Variants in TBX19 observed in about 807,000 individuals in gnomAD.
TBX19 encodes T-box transcription factor 19.
In TBX19, 33 loss-of-function variants were observed where a neutral mutation model predicts 40.9. The ratio of observed to expected loss-of-function variants is 0.81; its 90% CI spans 0.61 to 1.08. TBX19 has a LOEUF of 1.08. Among genes scored for constraint, TBX19 ranks in the 50% least tolerant of loss-of-function variants. The pLI is 0.00. For synonymous variants in TBX19, 220 were observed against 225.0 expected (o/e 0.98, Z 0.20); for missense variants, 494 against 574.0 (o/e 0.86, Z 1.42).
chr1:168,312,639 T>C, intron 7 of TBX19, 69 bp from the exon 8 acceptor site: 1 of 1,562,774 alleles, frequency 6.4e-7, no homozygotes, highest in Non-Finnish European at 8.7e-7. Flanking sequence ...GTGTACATGC[T>C]TGTCAGGTGG....
Position 168,280,977 on chromosome 1 carries a change from C to G in TBX19, c.-114C>G. 1 of 1,001,620 alleles carries G rather than the reference C, an allele frequency of 1.0e-6. No homozygotes were observed. The highest frequency in any genetic ancestry group is 2.6e-5 in the East Asian group (1 of 38,994). 62.0% of individuals were successfully genotyped at this position (1,001,620 alleles called of 1,614,324 possible). A position where few individuals can be genotyped will look rare whatever the true frequency, so the allele number is the denominator to read the frequency against. On this transcript the variant is annotated 5_prime_UTR_variant, in exon 1 of 8. Transcript: ENST00000367821. The stretch of plus-strand genomic sequence containing the variant: ...TTAGGCAAGAGCCAGGGTATCTTCT[C>G]TCCGCTCCCCAAGCACTGTTCAAGT...
intron 3 of TBX19, among the ~76,000 whole-genome samples, chr1:168,294,888 A>G (rs545598113): frequency 1.6e-4 from 25 of 152,334 alleles, no homozygotes; most frequent in African/African-American, 5.8e-4. Flanking sequence ...AGAAACAGAT[A>G]GACATGGCCA....
At chr1:168,281,811 TGA>T (rs1648659844) in intron 1 of TBX19, among the ~76,000 whole-genome samples, 1 of 152,182 alleles carries the variant, frequency 6.6e-6, no homozygotes, top group Admixed American at 6.5e-5. Context: ...GTGTTTGTGG[TGA>T]GTGTTCATTT....
In TBX19 at chr1:168,298,828, T is replaced by TTCCTTCC. The variant is rs1558192768; in HGVS notation, c.665+1044_665+1045insCCTTCCT. 2.8e-3 allele frequency among the ~76,000 whole-genome samples: 46 copies of TTCCTTCC among 16,232 alleles called. 9 individuals carry two copies. Among genetic ancestry groups the TTCCTTCC allele is most frequent in the African/African-American group, 6.2e-3 (14 of 2,272 alleles). 10.6% of individuals were successfully genotyped at this position (16,232 alleles called of 152,430 possible). On this transcript the variant is annotated intron_variant, in intron 4 of 7. Coordinates refer to ENST00000367821, the MANE Select transcript of TBX19 (RefSeq NM_005149.3). The stretch of plus-strand genomic sequence containing the variant: ...CTCCCTCCCTCCCTCCCTTCCTTTC[T>TTCCTTCC]TTCTTTCTTTCTTTCTTTCTTTCTT...
In TBX19 at chr1:168,313,038, TC is replaced by T; in HGVS notation, c.*38del. 6.2e-7 allele frequency: 1 copy of T among 1,612,794 alleles called. No individual in the cohort carries two copies. Among genetic ancestry groups the T allele is most frequent in the Non-Finnish European group, 8.5e-7 (1 of 1,179,110 alleles). On this transcript the variant is annotated 3_prime_UTR_variant, in exon 8 of 8. Transcript: ENST00000367821. ...AGGAGCCTCTTTGCACAGCGATCCT[TC>T]CATGTGTAGAGTGCTTAGAAACCCC...
intron 3 of TBX19, 67 bp from the exon 4 acceptor site, chr1:168,297,657 A>G (rs371332221): frequency 1.4e-6 from 2 of 1,422,672 alleles, no homozygotes; most frequent in East Asian, 4.6e-5. Flanking sequence ...TTTACAGAAG[A>G]CAAAGGGTTC....
intron 6 of TBX19, among the ~76,000 whole-genome samples, chr1:168,306,968 G>A (rs891330104): frequency 6.6e-6 from 1 of 152,202 alleles, no homozygotes; most frequent in Non-Finnish European, 1.5e-5. Context: ...GAATAGAAAA[G>A]GACAGAGTGG....
At chr1:168,306,292 G>A (rs1387399720) in intron 6 of TBX19, among the ~76,000 whole-genome samples, 1 of 152,154 alleles carries the variant, frequency 6.6e-6, no homozygotes, top group Non-Finnish European at 1.5e-5. Flanking sequence ...CACCTACTGT[G>A]TACCGTGTTC....
At chr1:168,295,284 T>A (rs76922350) in intron 3 of TBX19, among the ~76,000 whole-genome samples, 1 of 151,720 alleles carries the variant, frequency 6.6e-6, no homozygotes, top group Non-Finnish European at 1.5e-5. Flanking sequence ...GAGCAAGACT[T>A]GGTCTCAGGA....
rs1169088311 is a variant in TBX19 at position 168,312,865 on chromosome 1, G to A, written c.1210G>A (p.Gly404Ser). 1.2e-6 allele frequency: 2 copies of A among 1,614,130 alleles called. No individual in the cohort carries two copies. The highest frequency in any genetic ancestry group is 1.7e-6 in the Non-Finnish European group (2 of 1,180,056). The change falls in exon 8 of 8, where the codon GGT becomes AGT. Residue 404 changes from glycine to serine, a missense_variant. By Grantham distance (56) the Gly-to-Ser change is moderately conservative. This residue lies in a region of TBX19 where 284 missense variants were observed against 307.3 expected (regional missense o/e 0.92). Transcript: ENST00000367821. ...CTCCACCCAAGCACCCACTTCGGCTGGTGTGGAGGTTCTGGGGGAGCCCTC... is the reference window on the plus strand; with the variant it reads ...CTCCACCCAAGCACCCACTTCGGCTAGTGTGGAGGTTCTGGGGGAGCCCTC... ...VLSTQAPTSA[G>S]VEVLGEPSLT...
At chr1:168,294,004 C>A (rs1272444185) in intron 3 of TBX19, among the ~76,000 whole-genome samples, 1 of 152,136 alleles carries the variant, frequency 6.6e-6, no homozygotes, top group Non-Finnish European at 1.5e-5. Context: ...CAGGGTAAAG[C>A]TATACGGGTT....
At chr1:168,294,920 A>G (rs2284767) in intron 3 of TBX19, among the ~76,000 whole-genome samples, 10,709 of 151,994 alleles carry the variant, frequency 0.07, 813 homozygotes, top group East Asian at 0.31. Context: ...TCAAAATGGC[A>G]TCTCTATTTG....
chr1:168,308,925 C>T (rs1237284722), intron 7 of TBX19, 48 bp downstream of exon 7: 2 of 1,613,634 alleles, frequency 1.2e-6, no homozygotes, highest in Admixed American at 1.7e-5. Flanking sequence ...TGGGGGTTTA[C>T]TTTAGCACTG....
intron 6 of TBX19, among the ~76,000 whole-genome samples, chr1:168,306,348 C>T (rs1649402328): frequency 6.6e-6 from 1 of 152,160 alleles, no homozygotes; most frequent in Admixed American, 6.5e-5. Flanking sequence ...AGTTTCAGGG[C>T]CGGGAGCGGT....
At chr1:168,283,792 T>A (rs1648733986) in intron 1 of TBX19, among the ~76,000 whole-genome samples, 1 of 152,200 alleles carries the variant, frequency 6.6e-6, no homozygotes, top group Non-Finnish European at 1.5e-5. Flanking sequence ...GGGCCCTTTT[T>A]CATTGACATT....
intron 1 of TBX19, among the ~76,000 whole-genome samples, chr1:168,282,587 C>G (rs1472488205): frequency 6.6e-6 from 1 of 152,246 alleles, no homozygotes; most frequent in Admixed American, 6.5e-5. Flanking sequence ...AGTTCCTTCT[C>G]TTGACCTGTA....
rs564848637 is a variant in TBX19 at position 168,293,285 on chromosome 1, G to A, written c.603+7G>A. ...TGCCTATCAGAATGAGGAGGTAAGAGTGTGTGTGTGTGTGTGTGTGTGTGT... is the reference window on the plus strand; with the variant it reads ...TGCCTATCAGAATGAGGAGGTAAGAATGTGTGTGTGTGTGTGTGTGTGTGT... On this transcript the variant is annotated splice_region_variant and intron_variant, in intron 3 of 7. Transcript: ENST00000367821. 33 of 811,418 alleles carry A rather than the reference G, an allele frequency of 4.1e-5. No homozygotes were observed. The Admixed American group carries it at 7.9e-4, about 19-fold the overall frequency. The allele number at this position is 811,418 out of a possible 1,614,324, so 50.3% of individuals were successfully genotyped here.
At chr1:168,311,067 C>A (rs915042470) in intron 7 of TBX19, among the ~76,000 whole-genome samples, 1 of 151,664 alleles carries the variant, frequency 6.6e-6, no homozygotes, top group African/African-American at 2.4e-5. Flanking sequence ...TGACGCTGAT[C>A]TAGAGGATCA....
In TBX19 at chr1:168,281,001, G is replaced by A; in HGVS notation, c.-90G>A. 8.0e-7 allele frequency: 1 copy of A among 1,257,362 alleles called. No homozygotes were observed. The highest frequency in any genetic ancestry group is 2.4e-5 in the East Asian group (1 of 42,192). 77.9% of individuals were successfully genotyped at this position (1,257,362 alleles called of 1,614,324 possible). A position where few individuals can be genotyped will look rare whatever the true frequency, so the allele number is the denominator to read the frequency against. Reference sequence around the variant, plus strand: ...TCTCCGCTCCCCAAGCACTGTTCAAGTGGGTTTGAAAAGCAGGCAAGTGAG... The same window carrying A: ...TCTCCGCTCCCCAAGCACTGTTCAAATGGGTTTGAAAAGCAGGCAAGTGAG... On this transcript the variant is annotated 5_prime_UTR_variant, in exon 1 of 8. The change creates a new upstream start codon in the 5' untranslated region. Transcript: ENST00000367821.
Sources: gnomAD v4.1 joint callset for allele counts (sites outside exome capture counted in the v4.1 genomes callset) on GRCh38, gnomAD v4.1.1 for gene constraint, gnomAD v4.1.1 regional missense constraint, MANE v1.5 for transcripts, NCBI Gene and HGNC (gene_info 2026-07-23, HGNC 2026-07-21) for gene names.